EPPK1: variants seen among roughly 807,000 people sequenced by gnomAD.
The protein encoded by EPPK1 is epiplakin 1.
For missense variants in EPPK1, 3,823 were observed against 3,673.3 expected, an observed-to-expected ratio of 1.04 and a Z score of -1.05; for synonymous variants, 1,862 against 1,721.2, an observed-to-expected ratio of 1.08 and a Z score of -2.03.
At position 143,866,654 on chromosome 8, in the gene EPPK1, C is replaced by G. The variant is rs782517646; in HGVS notation, c.6600G>C (p.Leu2200=). The change falls in exon 2 of 2, where the codon CTG becomes CTC. Residue 2200 remains leucine (L), a synonymous_variant. Transcript: ENST00000615648. The part of the protein sequence containing the change: ...AIITEEMLQD[L]ETGRSTTQEL... The stretch of plus-strand genomic sequence containing the variant: ...CTTGCGTCGTGCTCCGTCCCGTTTC[C>G]AGGTCCTGGAGCATTTCCTCCGTGA... 8 of 1,613,090 alleles carry G rather than the reference C, an allele frequency of 5.0e-6. No individual in the cohort carries two copies. In the Admixed American group the frequency reaches 1.0e-4, roughly 20 times the overall value.
chr8:143,868,699 C>T lies in EPPK1; in HGVS notation c.4555G>A (p.Ala1519Thr), dbSNP rs782051022. 3 of 1,579,460 alleles carry T rather than the reference C, an allele frequency of 1.9e-6. No individual in the cohort carries two copies. The African/African-American group carries it at 4.0e-5, about 21-fold the overall frequency. The change falls in exon 2 of 2, where the codon GCC becomes ACC. Residue 1519 changes from alanine to threonine, a missense_variant. Coordinates refer to ENST00000615648, the MANE Select transcript of EPPK1 (RefSeq NM_031308.4). ...TGCTTCCGGAGCCCTCTGAAGGTGG[C>T]CTGCAGGGGCTGCCTCTCTGCAGCC... ...VEAAERQPLQ[A>T]TFRGLRKQVS...
At chr8:143,873,475 A>C (rs1243223441) in intron 1 of EPPK1, among the ~76,000 whole-genome samples, 177 bp from the exon 2 acceptor site, 1 of 151,966 alleles carries the variant, frequency 6.6e-6, no homozygotes, top group Non-Finnish European at 1.5e-5. Context: ...GGGGGTGCCA[A>C]GGGAAGTGCC....
Position 143,871,800 on chromosome 8 carries a change from T to G in EPPK1, c.1454A>C (p.Tyr485Ser). The G allele has an allele frequency of 1.2e-6, 2 of 1,612,214 alleles. No homozygotes were observed. The highest frequency in any genetic ancestry group is 1.7e-6 in the Non-Finnish European group (2 of 1,179,750). ...GEPQGPPFIKYSTRQALSTAT... is the reference protein window; with the variant it reads ...GEPQGPPFIKSSTRQALSTAT... ...CGTGCTCAGGGCCTGCCGAGTGCTG[T>G]ACTTGATGAATGGGGGTCCCTGGGG... is the stretch of plus-strand genomic sequence containing the variant. The change falls in exon 2 of 2, where the codon TAC becomes TCC. Residue 485 changes from tyrosine to serine, a missense_variant. By Grantham distance (144) the Tyr-to-Ser change is moderately radical (BLOSUM62 -2). Transcript: ENST00000615648.
Position 143,857,993 on chromosome 8 carries a change from TAGAGAG to T in EPPK1, c.15255_15260del (p.Ser5086_Leu5087del), listed in dbSNP as rs782277909. The T allele has an allele frequency of 8.1e-6, 13 of 1,599,056 alleles. No homozygotes were observed. The highest frequency in any genetic ancestry group is 1.0e-5 in the Non-Finnish European group (12 of 1,171,738). On this transcript the variant is annotated inframe_deletion, in exon 2 of 2. Coordinates refer to ENST00000615648, the MANE Select transcript of EPPK1 (RefSeq NM_031308.4). ...CTGCACGGAGGAAGCCCAGTCACTG[TAGAGAG>T]AGAGAAAGAAATAGGAGCCCCGTCT...
chr8:143,872,360 C>G lies in EPPK1; in HGVS notation c.894G>C (p.Lys298Asn). 3 of 1,605,512 alleles carry G rather than the reference C, an allele frequency of 1.9e-6. No individual in the cohort carries two copies. The highest frequency in any genetic ancestry group is 2.5e-6 in the Non-Finnish European group (3 of 1,178,704). The stretch of plus-strand genomic sequence containing the variant: ...CGGTGGCAGCCTGGAAAAAGCTCTT[C>G]TTGTGGCCTTCGGGCAGCAGGACAA... ...AGVVLLPEGH[K>N]KSFFQAATEH... The change falls in exon 2 of 2, where the codon AAG (lysine) becomes AAC (asparagine). Residue 298 changes from lysine to asparagine, a missense_variant. Physicochemically the swap from Lys to Asn is moderately conservative, Grantham distance 94 (BLOSUM62 0). Coordinates refer to ENST00000615648, the MANE Select transcript of EPPK1 (RefSeq NM_031308.4).
rs1476631553 is a variant in EPPK1, at chr8:143,872,416, A to ATTACC, written c.837_838insGGTAA (p.Tyr280GlyfsTer42). 6.2e-7 allele frequency: 1 copy of ATTACC among 1,601,750 alleles called. No homozygotes were observed. The highest frequency in any genetic ancestry group is 8.5e-7 in the Non-Finnish European group (1 of 1,179,330). On this transcript the variant is annotated frameshift_variant, in exon 2 of 2. Coordinates refer to ENST00000615648, the MANE Select transcript of EPPK1 (RefSeq NM_031308.4). LOFTEE classifies it low-confidence loss of function (END_TRUNC). The stretch of plus-strand genomic sequence containing the variant: ...GCCACGCTGCCGGTACCCTCCAGGT[A>ATTACC]GCGCCGCACCTCGGCACGTGCACTC...
rs374236103 is a variant in EPPK1 at position 143,867,545 on chromosome 8, C to T, written c.5709G>A (p.Thr1903=). The T allele has an allele frequency of 5.3e-5, 85 of 1,612,632 alleles. No individual in the cohort carries two copies. Among genetic ancestry groups the T allele is most frequent in the Middle Eastern group, 1.6e-4 (1 of 6,062 alleles). ...LEGSGCIAGV[T]VPSTREVMSL... ...TCATGACCTCCCTGGTGGAGGGCAC[C>T]GTGACCCCCGCAATGCAGCCGCTGC... The change falls in exon 2 of 2, where the codon ACG becomes ACA. Residue 1903 remains threonine (T), a synonymous_variant. Coordinates refer to ENST00000615648, the MANE Select transcript of EPPK1 (RefSeq NM_031308.4).
chr8:143,868,798 G>T lies in EPPK1; in HGVS notation c.4456C>A (p.Leu1486Met). The T allele has an allele frequency of 6.2e-7, 1 of 1,601,584 alleles. No individual in the cohort carries two copies. The change falls in exon 2 of 2, where the codon CTG (leucine) becomes ATG (methionine). Residue 1486 changes from leucine (L) to methionine (M), a missense_variant. Transcript: ENST00000615648. The stretch of plus-strand genomic sequence containing the variant: ...CTCCCAGACCGACAGAGTGCCACCA[G>T]CTCCCGCCGCTTGTCAGCGCCAACG... ...EYVGADKRRE[L>M]VALCRSGRAA...
intron 1 of EPPK1, among the ~76,000 whole-genome samples, chr8:143,876,863 CCAGGGTGGGG>C (rs1819489677): frequency 6.6e-6 from 1 of 152,144 alleles, no homozygotes; most frequent in Admixed American, 6.5e-5. Flanking sequence ...GCAGTGCGGG[CCAGGGTGGGG>C]CAGGGCCAGC....
Position 143,867,025 on chromosome 8 carries a change from C to A in EPPK1, c.6229G>T (p.Asp2077Tyr), listed in dbSNP as rs782301705. 1.2e-6 allele frequency: 2 copies of A among 1,612,860 alleles called. No individual in the cohort carries two copies. Among genetic ancestry groups the A allele is most frequent in the Non-Finnish European group, 1.7e-6 (2 of 1,179,864 alleles). The change falls in exon 2 of 2, where the codon GAC becomes TAC. Residue 2077 changes from aspartate (D) to tyrosine (Y), a missense_variant. Coordinates refer to ENST00000615648, the MANE Select transcript of EPPK1 (RefSeq NM_031308.4). Reference sequence around the variant, plus strand: ...ACTGGGAACAGCAGCCAGCCCGTGTCCTCTTGTGGGCGGCACCTCTCCTGC... The same window carrying A: ...ACTGGGAACAGCAGCCAGCCCGTGTACTCTTGTGGGCGGCACCTCTCCTGC... Reference protein sequence around the residue: ...ELQERCRPQEDTGWLLFPVNK... With the variant: ...ELQERCRPQEYTGWLLFPVNK...
Position 143,871,553 on chromosome 8 carries a change from C to A in EPPK1, c.1701G>T (p.Val567=), listed in dbSNP as rs1554661210. Reference sequence around the variant, plus strand: ...CGGCTTTCAGCAGCTCTCCTGGTGTCACGGTGTCCCTCAGCCCAGAAAAGG... The same window carrying A: ...CGGCTTTCAGCAGCTCTCCTGGTGTAACGGTGTCCCTCAGCCCAGAAAAGG... ...RVTFSGLRDT[V]TPGELLKAEI... The change falls in exon 2 of 2, where the codon GTG becomes GTT. Residue 567 remains valine (V), a synonymous_variant. Transcript: ENST00000615648. 1 of 1,610,260 alleles carries A rather than the reference C, an allele frequency of 6.2e-7. No individual in the cohort carries two copies. Among genetic ancestry groups the A allele is most frequent in the Non-Finnish European group, 8.5e-7 (1 of 1,179,020 alleles).
At chr8:143,873,752 C>CGTTTGGGTGCCTCT (rs1554662010) in intron 1 of EPPK1, among the ~76,000 whole-genome samples, 5 of 148,878 alleles carry the variant, frequency 3.4e-5, no homozygotes, top group Non-Finnish European at 5.9e-5. Context: ...CATCTCCCCA[C>CGTTTGGGTGCCTCT]CTTTTGTTCT....
Position 143,868,048 on chromosome 8 carries a change from T to C in EPPK1, c.5206A>G (p.Asn1736Asp). Residue 1736 changes from asparagine (N) to aspartate (D), a missense_variant, in exon 2 of 2, where the codon AAC (asparagine) becomes GAC (aspartate). By Grantham distance (23) the Asn-to-Asp change is conservative. Transcript: ENST00000615648. Reference protein sequence around the residue: ...KGFFDPNTHENLTYLQLLERC... With the variant: ...KGFFDPNTHEDLTYLQLLERC... ...TCCAGAAGCTGCAGGTACGTGAGGT[T>C]CTCGTGCGTGTTGGGGTCGAAGAAG... is the stretch of plus-strand genomic sequence containing the variant. The C allele has an allele frequency of 6.2e-7, 1 of 1,613,650 alleles. No homozygotes were observed. The highest frequency in any genetic ancestry group is 1.1e-5 in the South Asian group (1 of 91,084).
At chr8:143,876,119 G>A (rs576586870) in intron 1 of EPPK1, among the ~76,000 whole-genome samples, 201 of 152,360 alleles carry the variant, frequency 1.3e-3, no homozygotes, top group Middle Eastern at 0.01. Context: ...TGTCCCAGGA[G>A]CAAGCAGCCA....
chr8:143,876,968 C>T (rs912060895), intron 1 of EPPK1, among the ~76,000 whole-genome samples: 5 of 152,244 alleles, frequency 3.3e-5, no homozygotes, highest in Non-Finnish European at 5.9e-5. Flanking sequence ...CCAGACAGGC[C>T]GCGTGCTAAG....
In EPPK1 at chr8:143,868,571, G is replaced by T. The variant is rs1563882426; in HGVS notation, c.4683C>A (p.Asp1561Glu). Residue 1561 changes from aspartate (D) to glutamate (E), a missense_variant, in exon 2 of 2, where the codon GAC becomes GAA. By Grantham distance (45) the Asp-to-Glu change is conservative. Coordinates refer to ENST00000615648, the MANE Select transcript of EPPK1 (RefSeq NM_031308.4). ...CTCCCTCCAGGGACCGCTTCACGCT[G>T]TCCATCTCCGCCACCTCCTTCACAG... The part of the protein sequence containing the change: ...TTTVKEVAEM[D>E]SVKRSLEGGN... 6.2e-7 allele frequency: 1 copy of T among 1,603,868 alleles called. No individual in the cohort carries two copies. Among genetic ancestry groups the T allele is most frequent in the East Asian group, 2.2e-5 (1 of 44,460 alleles).
intron 1 of EPPK1, 26 bp from the exon 2 acceptor site, chr8:143,873,324 A>G (rs1182769243): frequency 2.8e-6 from 4 of 1,418,052 alleles, no homozygotes; most frequent in Non-Finnish European, 3.7e-6. Context: ...AGGCTCAATC[A>G]GGGACCCCGC....
intron 1 of EPPK1, among the ~76,000 whole-genome samples, chr8:143,873,759 T>C (rs1292937753): frequency 5.1e-5 from 4 of 78,640 alleles, no homozygotes; most frequent in African/African-American, 1.3e-4. Flanking sequence ...CCACCTTTTG[T>C]TCTCCAAAGG....
Position 143,872,070 on chromosome 8 carries a change from A to G in EPPK1, c.1184T>C (p.Leu395Ser), listed in dbSNP as rs782753557. The G allele has an allele frequency of 6.4e-7, 1 of 1,561,876 alleles. No individual in the cohort carries two copies. Among genetic ancestry groups the G allele is most frequent in the South Asian group, 1.2e-5 (1 of 85,914 alleles). Residue 395 changes from leucine (L) to serine (S), a missense_variant, in exon 2 of 2, where the codon TTG (leucine) becomes TCG (serine). By Grantham distance (145) the Leu-to-Ser change is moderately radical. Transcript: ENST00000615648. ...CCCGCCTGTGGCCAGCTGGGCATCC[A>G]AGAGCCGCAGTGCCAGTGGCCTGTC... ...LVDRPLALRL[L>S]DAQLATGGLV...
Sources: gnomAD v4.1 joint callset for allele counts (sites outside exome capture counted in the v4.1 genomes callset) on GRCh38, gnomAD v4.1.1 for gene constraint, MANE v1.5 for transcripts, NCBI Gene and HGNC (gene_info 2026-07-23, HGNC 2026-07-21) for gene names.